Variants in NAA15 observed in about 807,000 individuals in gnomAD.
The protein encoded by NAA15 is N-terminal acetyltransferase.
Under a neutral mutation model 114.0 loss-of-function variants are expected in NAA15, and 34 were observed. That is an observed-to-expected ratio of 0.30 (90% CI 0.23 to 0.40). NAA15 has a LOEUF of 0.40. Ranked by LOEUF, NAA15 falls within the 10% of genes least tolerant of loss-of-function variation. NAA15 has a pLI of 1.00. For synonymous variants in NAA15, 340 were observed against 338.0 expected (o/e 1.01, Z -0.06); for missense variants, 658 against 1,004.5 (o/e 0.66, Z 4.66).
At chr4:139,369,113 G>T (rs1385181132) in intron 14 of NAA15, among the ~76,000 whole-genome samples, 1 of 152,152 alleles carries the variant, frequency 6.6e-6, no homozygotes, top group Non-Finnish European at 1.5e-5. Flanking sequence ...AATTAGACAG[G>T]ATCTCCTTTA....
chr4:139,317,966 T>C (rs550653876), intron 1 of NAA15, among the ~76,000 whole-genome samples: 1 of 152,356 alleles, frequency 6.6e-6, no homozygotes, highest in African/African-American at 2.4e-5. Flanking sequence ...AATTTCATGC[T>C]ACAAAGTAAA....
intron 1 of NAA15, among the ~76,000 whole-genome samples, chr4:139,333,170 A>G (rs1372432695): frequency 6.6e-6 from 1 of 151,154 alleles, no homozygotes; most frequent in Non-Finnish European, 1.5e-5. Context: ...TTTTTTCCTA[A>G]TACTTTCTAT....
intron 14 of NAA15, among the ~76,000 whole-genome samples, chr4:139,362,580 C>G (rs186565447): frequency 6.6e-6 from 1 of 152,290 alleles, no homozygotes; most frequent in African/African-American, 2.4e-5. Flanking sequence ...CAGGCATGAG[C>G]CACTATTCCC....
At position 139,388,243 on chromosome 4, in the gene NAA15, A is replaced by G. The variant is rs1483343209; in HGVS notation, c.*159A>G. ...ACGTTTTTTATCCTGCTGAAAAAGTATATATAAAATATCTAACATTACAGG... is the reference window on the plus strand; with the variant it reads ...ACGTTTTTTATCCTGCTGAAAAAGTGTATATAAAATATCTAACATTACAGG... On this transcript the variant is annotated 3_prime_UTR_variant, in exon 20 of 20. Transcript: ENST00000296543. 6 of 565,328 alleles carry G rather than the reference A, an allele frequency of 1.1e-5. No homozygotes were observed. Among genetic ancestry groups the G allele is most frequent in the Middle Eastern group, 4.7e-4 (1 of 2,128 alleles). 35.0% of individuals were successfully genotyped at this position (565,328 alleles called of 1,614,324 possible).
chr4:139,301,743 G>A lies in NAA15; in HGVS notation c.-35G>A, dbSNP rs542624521. 2 of 1,548,040 alleles carry A rather than the reference G, an allele frequency of 1.3e-6. No homozygotes were observed. The highest frequency in any genetic ancestry group is 2.5e-5 in the East Asian group (1 of 40,370). ...GTCGGACAAACTGACTGACCGAGCC[G>A]GGTGGTGGCGGGAGCAGCGGGAGCA... On this transcript the variant is annotated 5_prime_UTR_variant, in exon 1 of 20. Transcript: ENST00000296543.
chr4:139,377,226 T>A (rs1219150934), intron 16 of NAA15, among the ~76,000 whole-genome samples: 3 of 152,146 alleles, frequency 2.0e-5, no homozygotes, highest in South Asian at 2.1e-4. Flanking sequence ...TACTTCTCTA[T>A]ATGAGTATCC....
chr4:139,322,697 A>AT (rs1746658661), intron 1 of NAA15, among the ~76,000 whole-genome samples: 1 of 151,872 alleles, frequency 6.6e-6, no homozygotes, highest in Non-Finnish European at 1.5e-5. Context: ...ATATGTGTGT[A>AT]TTTTTTATTT....
At chr4:139,308,995 A>T (rs977397465) in intron 1 of NAA15, among the ~76,000 whole-genome samples, 1 of 152,182 alleles carries the variant, frequency 6.6e-6, no homozygotes, top group African/African-American at 2.4e-5. Flanking sequence ...GCTATTTTAT[A>T]TATGTGTATA....
chr4:139,335,954 TCACC>T (rs1167227889), intron 2 of NAA15, among the ~76,000 whole-genome samples: 1 of 152,016 alleles, frequency 6.6e-6, no homozygotes, highest in Non-Finnish European at 1.5e-5. Context: ...AGACGGGGGT[TCACC>T]ATGTTGGCCA....
rs751139830 is a variant in NAA15 at position 139,330,341 on chromosome 4, GTTAC to G, written c.55-3829_55-3826del. ...TAAGTAAATGGGAACACTAAATTTAGTTACTTAGTCTTACTATGTTTCTTTGGCT... is the reference window on the plus strand; with the variant it reads ...TAAGTAAATGGGAACACTAAATTTAGTTAGTCTTACTATGTTTCTTTGGCT... On this transcript the variant is annotated intron_variant, in intron 1 of 19. Coordinates refer to ENST00000296543, the MANE Select transcript of NAA15 (RefSeq NM_057175.5). Among the ~76,000 whole-genome samples the G allele has an allele frequency of 2.2e-4, 33 of 152,152 alleles. 1 individual carries two copies. Among genetic ancestry groups the G allele is most frequent in the Admixed American group, 1.5e-3 (23 of 15,270 alleles).
chr4:139,317,024 A>G lies in NAA15; in HGVS notation c.54+15193A>G, dbSNP rs1746432118. ...CTAAGTGTATTTTTGACTTCCCAGT[A>G]GCCATTGCTCTCACTGTCATGTATC... is the stretch of plus-strand genomic sequence containing the variant. On this transcript the variant is annotated intron_variant, in intron 1 of 19. Coordinates refer to ENST00000296543, the MANE Select transcript of NAA15 (RefSeq NM_057175.5). 2.0e-5 allele frequency among the ~76,000 whole-genome samples: 3 copies of G among 151,902 alleles called. No individual in the cohort carries two copies. In the South Asian group the frequency reaches 6.2e-4, roughly 32 times the overall value.
chr4:139,366,807 C>T (rs1748298804), intron 14 of NAA15, among the ~76,000 whole-genome samples: 1 of 152,102 alleles, frequency 6.6e-6, no homozygotes, highest in Admixed American at 6.5e-5. Flanking sequence ...TGGGGTCTTG[C>T]TATGTTGCCC....
chr4:139,307,538 A>G (rs1746064834), intron 1 of NAA15, among the ~76,000 whole-genome samples: 1 of 152,244 alleles, frequency 6.6e-6, no homozygotes, highest in African/African-American at 2.4e-5. Flanking sequence ...AAGTGCTGGG[A>G]TTACAGATGT....
At chr4:139,355,606 G>C (rs1348754681) in intron 10 of NAA15, among the ~76,000 whole-genome samples, 1 of 152,056 alleles carries the variant, frequency 6.6e-6, no homozygotes, top group Non-Finnish European at 1.5e-5. Flanking sequence ...CTTGGTTGCA[G>C]TAGCCACATT....
intron 7 of NAA15, 49 bp from the exon 8 acceptor site, chr4:139,351,142 A>T (rs1483909988): frequency 6.3e-6 from 6 of 955,668 alleles, no homozygotes; most frequent in Non-Finnish European, 9.0e-6. Flanking sequence ...TCCAGAAAAA[A>T]TATACAATTT....
At chr4:139,319,761 C>T (rs1746538159) in intron 1 of NAA15, among the ~76,000 whole-genome samples, 1 of 152,160 alleles carries the variant, frequency 6.6e-6, no homozygotes, top group African/African-American at 2.4e-5. Flanking sequence ...TTGTGGGTTT[C>T]AGATGCCATG....
rs1176916191 is a variant in NAA15, at chr4:139,354,067, T to G, written c.1056T>G (p.Ser352=). 1 of 1,613,834 alleles carries G rather than the reference T, an allele frequency of 6.2e-7. No homozygotes were observed. Among genetic ancestry groups the G allele is most frequent in the East Asian group, 2.2e-5 (1 of 44,814 alleles). ...AGTTAGTAGTAGGTTATGAAACCTCTCTAAAAAGCTGCCGGTTATTTAACC... is the reference window on the plus strand; with the variant it reads ...AGTTAGTAGTAGGTTATGAAACCTCGCTAAAAAGCTGCCGGTTATTTAACC... ...IEELVVGYET[S]LKSCRLFNPN... The change falls in exon 10 of 20, where the codon TCT becomes TCG. Residue 352 remains serine, a synonymous_variant. Transcript: ENST00000296543.
intron 1 of NAA15, among the ~76,000 whole-genome samples, chr4:139,314,823 G>A (rs867310957): frequency 1.4e-4 from 21 of 151,640 alleles, no homozygotes; most frequent in South Asian, 4.2e-4. Context: ...GATTACAGGC[G>A]TGTGCCACCA....
chr4:139,343,041 A>G lies in NAA15; in HGVS notation c.537+81A>G, dbSNP rs1579108527. On this transcript the variant is annotated intron_variant, in intron 5 of 19. Transcript: ENST00000296543. ...ATGTGCATAGTCTGGCTTACTTTTA[A>G]TTTTGAAATAGTTTCAAACTTATAG... is the stretch of plus-strand genomic sequence containing the variant. 2.3e-6 allele frequency: 3 copies of G among 1,290,034 alleles called. No homozygotes were observed. In the Admixed American group the frequency reaches 7.0e-5, roughly 30 times the overall value. The allele number at this position is 1,290,034 out of a possible 1,614,324, so 79.9% of individuals were successfully genotyped here. A position where few individuals can be genotyped will look rare whatever the true frequency, so the allele number is the denominator to read the frequency against.
Sources: allele counts gnomAD v4.1 joint callset (sites outside exome capture counted in the v4.1 genomes callset), GRCh38; gene constraint gnomAD v4.1.1; transcripts MANE v1.5; gene names NCBI Gene and HGNC (gene_info 2026-07-23, HGNC 2026-07-21).